The following SP110 variants were observed in gnomAD, a reference collection of about 807,000 sequenced individuals.
SP110 encodes the protein interferon-induced protein 41, 30kD.
A neutral mutation model predicts 92.7 loss-of-function variants in SP110; 62 were observed. The ratio of observed to expected loss-of-function variants is 0.67; its 90% CI spans 0.55 to 0.83. The LOEUF is 0.83. Among genes scored for constraint, SP110 ranks in the 40% least tolerant of loss-of-function variants. The probability of loss-of-function intolerance (pLI) is 0.00; values close to 1 mark genes in which losing one functional copy is unlikely to be tolerated. For missense variants in SP110, 793 were observed against 863.9 expected, an observed-to-expected ratio of 0.92 and a Z score of 1.03; for synonymous variants, 273 against 305.3, an observed-to-expected ratio of 0.89 and a Z score of 1.10.
intron 9 of SP110, among the ~76,000 whole-genome samples, 190 bp from the exon 10 acceptor site, chr2:230,201,155 G>A (rs533632944): frequency 6.6e-6 from 1 of 152,166 alleles, no homozygotes; most frequent in Non-Finnish European, 1.5e-5. Flanking sequence ...CTCAGGGGAG[G>A]AGCAGACCGC....
Position 230,216,876 on chromosome 2 carries a change from G to T in SP110, c.52C>A (p.His18Asn). ...MEEALFQHFM[H>N]QKLGIAYAIH... is the part of the protein sequence containing the mutation. ...GCATAGGCGATCCCCAGCTTCTGGTGCATGAAGTGCTGAAAAAGAGCCTCT... is the reference window on the plus strand; with the variant it reads ...GCATAGGCGATCCCCAGCTTCTGGTTCATGAAGTGCTGAAAAAGAGCCTCT... Residue 18 changes from histidine to asparagine, a missense_variant, in exon 2 of 19, where the codon CAC becomes AAC. By Grantham distance (68) the His-to-Asn change is moderately conservative (BLOSUM62 1). Coordinates refer to ENST00000258381, the MANE Select transcript of SP110 (RefSeq NM_080424.4). The T allele has an allele frequency of 1.9e-6, 3 of 1,614,020 alleles. No homozygotes were observed. Among genetic ancestry groups the T allele is most frequent in the East Asian group, 2.2e-5 (1 of 44,872 alleles).
chr2:230,185,379 T>C (rs2042311330), intron 11 of SP110, among the ~76,000 whole-genome samples: 1 of 152,188 alleles, frequency 6.6e-6, no homozygotes, highest in Non-Finnish European at 1.5e-5. Context: ...CACAGCATGT[T>C]TGATCACCTG....
intron 4 of SP110, 151 bp from the exon 5 acceptor site, chr2:230,212,581 C>T (rs2044612845): frequency 9.3e-7 from 1 of 1,071,436 alleles, no homozygotes; most frequent in Non-Finnish European, 1.5e-6. Context: ...GTTCTGGACT[C>T]TAGGTCTTAC....
rs182188313 is a variant in SP110, at chr2:230,187,158, A to G, written c.1130-1015T>C. On this transcript the variant is annotated intron_variant, in intron 10 of 18. Coordinates refer to ENST00000258381, the MANE Select transcript of SP110 (RefSeq NM_080424.4). ...TTCCCTTTTCACCACGTCCATGTTA[A>G]CATCTATTTTTTTTTGACTTCTTAA... 6.2e-4 allele frequency among the ~76,000 whole-genome samples: 94 copies of G among 152,232 alleles called. 1 individual carries two copies. Among genetic ancestry groups the G allele is most frequent in the African/African-American group, 1.9e-3 (77 of 41,556 alleles).
chr2:230,224,873 G>C (rs533187309), upstream of SP110, among the ~76,000 whole-genome samples: 4 of 152,130 alleles, frequency 2.6e-5, no homozygotes, highest in South Asian at 2.1e-4. Flanking sequence ...TGGATTTCTA[G>C]TCCTGTGGTT....
upstream of SP110, among the ~76,000 whole-genome samples, chr2:230,223,122 C>T (rs1345147168): frequency 1.3e-5 from 2 of 151,740 alleles, no homozygotes; most frequent in African/African-American, 2.4e-5. Flanking sequence ...CTGCAACCTC[C>T]GCCTCCCAGG....
intron 15 of SP110, 170 bp from the exon 16 acceptor site, chr2:230,172,344 C>G: frequency 1.5e-6 from 1 of 674,726 alleles, no homozygotes; most frequent in Non-Finnish European, 2.7e-6. Context: ...GCCCTTCCCT[C>G]GCATCAGTGG....
chr2:230,199,991 C>G (rs183708303), intron 10 of SP110, among the ~76,000 whole-genome samples: 3 of 152,156 alleles, frequency 2.0e-5, no homozygotes, highest in Admixed American at 6.5e-5. Context: ...TCTTAATTTC[C>G]TCATCTGCTA....
upstream of SP110, among the ~76,000 whole-genome samples, chr2:230,223,950 C>T (rs552139399): frequency 3.9e-5 from 6 of 152,276 alleles, no homozygotes; most frequent in African/African-American, 1.4e-4. Context: ...CCACTGGTCA[C>T]GTGGCAGTAA....
chr2:230,176,623 AG>A, intron 14 of SP110: 1 of 1,613,934 alleles, frequency 6.2e-7, no homozygotes, highest in Non-Finnish European at 8.5e-7. Context: ...GCCTCCAGAC[AG>A]GGAAAGTCTG....
In SP110 at chr2:230,200,916, C is replaced by G. The variant is rs1236280424; in HGVS notation, c.1098G>C (p.Lys366Asn). The change falls in exon 10 of 19, where the codon AAG (lysine) becomes AAC (asparagine). Residue 366 changes from lysine to asparagine, a missense_variant. Lys to Asn is a moderately conservative substitution (Grantham distance 94). Transcript: ENST00000258381. Reference protein sequence around the residue: ...SEMNEGKRSQKTPSTPRRVTQ... With the variant: ...SEMNEGKRSQNTPSTPRRVTQ... ...TGACCCTTCGTGGTGTACTAGGCGT[C>G]TTCTGGGACCTCTTTCCTTCATTCA... is the stretch of plus-strand genomic sequence containing the variant. The G allele has an allele frequency of 6.2e-7, 1 of 1,613,988 alleles. No homozygotes were observed.
At chr2:230,213,759 A>G (rs995906258) in intron 3 of SP110, 3 of 152,744 alleles carry the variant, frequency 2.0e-5, no homozygotes, top group Admixed American at 6.5e-5. Context: ...AGATGACTGA[A>G]GCTCAGCCAG....
At chr2:230,173,011 G>A (rs1409544321) in intron 14 of SP110, 52 bp from the exon 15 acceptor site, 1 of 1,208,978 alleles carries the variant, frequency 8.3e-7, no homozygotes, top group Non-Finnish European at 1.2e-6. Flanking sequence ...ACCCACGAAT[G>A]CTGACCCTGT....
chr2:230,180,677 C>T (rs747842763), intron 12 of SP110, among the ~76,000 whole-genome samples: 1 of 152,060 alleles, frequency 6.6e-6, no homozygotes, highest in Non-Finnish European at 1.5e-5. Context: ...GCGCTCTTTC[C>T]ACATCATCAG....
At chr2:230,208,199 G>T in intron 7 of SP110, 140 bp from the exon 8 acceptor site, 1 of 623,868 alleles carries the variant, frequency 1.6e-6, no homozygotes, top group African/African-American at 1.8e-5. Context: ...GGTACTTCAG[G>T]GAGTAATAGG....
intron 9 of SP110, among the ~76,000 whole-genome samples, chr2:230,201,694 T>C (rs894548376): frequency 3.3e-5 from 5 of 152,226 alleles, no homozygotes; most frequent in Non-Finnish European, 7.3e-5. Context: ...AGATACAAGC[T>C]CACTGTATAA....
Position 230,212,999 on chromosome 2 carries a change from T to C in SP110, c.345A>G (p.Arg115=), listed in dbSNP as rs1323983964. The C allele has an allele frequency of 3.1e-6, 5 of 1,614,054 alleles. No homozygotes were observed. The highest frequency in any genetic ancestry group is 4.2e-6 in the Non-Finnish European group (5 of 1,179,964). Reference sequence around the variant, plus strand: ...GGGCTTCAAGTAGGATTGGTGTGTCTCTGCTCTGCCATTCATAGGAAGCAC... The same window carrying C: ...GGGCTTCAAGTAGGATTGGTGTGTCCCTGCTCTGCCATTCATAGGAAGCAC... ...RVGASYEWQS[R]DTPILLEAPT... Residue 115 remains arginine (R), a synonymous_variant, in exon 4 of 19, where the codon AGA becomes AGG. Transcript: ENST00000258381.
At chr2:230,173,337 A>T (rs1242709139) in intron 14 of SP110, 1 of 309,730 alleles carries the variant, frequency 3.2e-6, no homozygotes, top group Non-Finnish European at 6.5e-6. Context: ...AGAAATGATG[A>T]TAACTGGCAT....
intron 10 of SP110, among the ~76,000 whole-genome samples, chr2:230,189,626 A>T (rs1258399941): frequency 6.6e-6 from 1 of 152,146 alleles, no homozygotes; most frequent in African/African-American, 2.4e-5. Context: ...CAGGTTTCTT[A>T]CATAGGTATG....
Sources: gnomAD v4.1 joint callset for allele counts (sites outside exome capture counted in the v4.1 genomes callset) on GRCh38, gnomAD v4.1.1 for gene constraint, MANE v1.5 for transcripts, NCBI Gene and HGNC (gene_info 2026-07-23, HGNC 2026-07-21) for gene names.